Variants in PEX5L observed in about 807,000 individuals in gnomAD.
PEX5L encodes PEX5-related protein.
In PEX5L, 30 loss-of-function variants were observed where a neutral mutation model predicts 84.0. That is an observed-to-expected ratio of 0.36 (90% CI 0.27 to 0.48). PEX5L has a LOEUF of 0.48. PEX5L is among the 20% of genes least tolerant of loss of function. The probability of loss-of-function intolerance (pLI) is 0.99; values close to 1 mark genes in which losing one functional copy is unlikely to be tolerated. For synonymous variants in PEX5L, 270 were observed against 283.1 expected, an observed-to-expected ratio of 0.95 and a Z score of 0.46; for missense variants, 533 against 754.6, an observed-to-expected ratio of 0.71 and a Z score of 3.44.
At chr3:180,023,491 G>A (rs182565245) in intron 1 of PEX5L, among the ~76,000 whole-genome samples, 245 of 152,212 alleles carry the variant, frequency 1.6e-3, no homozygotes, top group Admixed American at 5.9e-3. Flanking sequence ...CAAGCTTCTC[G>A]ATGTTAGCAA....
At chr3:179,863,328 A>G (rs1325590740) in intron 7 of PEX5L, among the ~76,000 whole-genome samples, 1 of 151,274 alleles carries the variant, frequency 6.6e-6, no homozygotes, top group Non-Finnish European at 1.5e-5. Context: ...CAAAAGCAAA[A>G]TAGGCAAGTG....
chr3:180,025,820 A>G (rs1050480360), intron 1 of PEX5L, among the ~76,000 whole-genome samples: 8 of 152,242 alleles, frequency 5.3e-5, no homozygotes, highest in Admixed American at 1.3e-4. Context: ...GCTCTATAAA[A>G]ACATAAGAGC....
At chr3:179,864,823 C>A (rs9682757) in intron 7 of PEX5L, among the ~76,000 whole-genome samples, 1 of 151,912 alleles carries the variant, frequency 6.6e-6, no homozygotes, top group African/African-American at 2.4e-5. Flanking sequence ...CAGTAAAAAA[C>A]GAATTAATAA....
At chr3:179,890,115 T>C (rs550768440) in intron 3 of PEX5L, among the ~76,000 whole-genome samples, 32 of 152,294 alleles carry the variant, frequency 2.1e-4, no homozygotes, top group Non-Finnish European at 4.1e-4. Flanking sequence ...TGGTAGGACT[T>C]GCTCTTTTAA....
At chr3:179,935,067 A>C (rs1182692041) in intron 2 of PEX5L, among the ~76,000 whole-genome samples, 1 of 152,110 alleles carries the variant, frequency 6.6e-6, no homozygotes, top group African/African-American at 2.4e-5. Flanking sequence ...AATTAAAAAA[A>C]AAAAAAGAGT....
rs150344371 is a variant in PEX5L at position 179,959,315 on chromosome 3, C to T, written c.93+12279G>A. On this transcript the variant is annotated intron_variant, in intron 2 of 14. Coordinates refer to ENST00000467460, the MANE Select transcript of PEX5L (RefSeq NM_016559.3). ...ATGATTAGGGAAGGAGGAAATAACG[C>T]ACATCTTAGTTCTTAGAGTTCTGAG... is the stretch of plus-strand genomic sequence containing the variant. Among the ~76,000 whole-genome samples the T allele has an allele frequency of 1.6e-4, 24 of 152,304 alleles. No homozygotes were observed. In the East Asian group the frequency reaches 4.2e-3, roughly 27 times the overall value.
intron 9 of PEX5L, among the ~76,000 whole-genome samples, chr3:179,818,130 G>A (rs935686489): frequency 5.3e-5 from 8 of 152,134 alleles, no homozygotes; most frequent in Non-Finnish European, 7.4e-5. Context: ...CTTAGTGTAA[G>A]AGTAGATACT....
chr3:179,972,885 A>C (rs1785116290), intron 1 of PEX5L, among the ~76,000 whole-genome samples: 1 of 152,146 alleles, frequency 6.6e-6, no homozygotes, highest in Non-Finnish European at 1.5e-5. Context: ...TAAAACACAA[A>C]TTCTCATTTA....
intron 8 of PEX5L, among the ~76,000 whole-genome samples, chr3:179,837,666 C>G (rs1394142089): frequency 6.6e-6 from 1 of 152,204 alleles, no homozygotes; most frequent in Non-Finnish European, 1.5e-5. Context: ...CTTGTTCGCA[C>G]TATCTGTTCT....
rs775202219 is a variant in PEX5L at position 179,859,151 on chromosome 3, G to C, written c.733C>G (p.Leu245Val). The change falls in exon 8 of 15, where the codon CTG (leucine) becomes GTG (valine). Residue 245 changes from leucine (L) to valine (V), a missense_variant. Leu to Val is a conservative substitution (Grantham distance 32). This residue lies in a region of PEX5L where 259 missense variants were observed against 301.7 expected (regional missense o/e 0.86). Transcript: ENST00000467460. ...LELVAPTQAR[L>V]TKEHRWGSAL... is the part of the protein sequence containing the mutation. Reference sequence around the variant, plus strand: ...CTTCCCCAGCGATGTTCTTTGGTCAGTCGAGCCTGAAATCAATCATACACA... The same window carrying C: ...CTTCCCCAGCGATGTTCTTTGGTCACTCGAGCCTGAAATCAATCATACACA... 3 of 1,611,560 alleles carry C rather than the reference G, an allele frequency of 1.9e-6. No homozygotes were observed. The highest frequency in any genetic ancestry group is 2.7e-5 in the African/African-American group (2 of 74,892).
chr3:179,832,473 T>TACCCACCA (rs988338525), intron 8 of PEX5L, among the ~76,000 whole-genome samples: 1 of 147,198 alleles, frequency 6.8e-6, no homozygotes, highest in African/African-American at 2.5e-5. Flanking sequence ...CCTACCCACC[T>TACCCACCA]ACCCACCAAA....
chr3:179,850,617 A>G (rs1741454012), intron 8 of PEX5L, among the ~76,000 whole-genome samples: 2 of 152,218 alleles, frequency 1.3e-5, no homozygotes, highest in South Asian at 4.1e-4. Flanking sequence ...ACAACATATG[A>G]TTTATCTACA....
chr3:179,908,164 T>C (rs1167750866), intron 2 of PEX5L, among the ~76,000 whole-genome samples: 1 of 152,230 alleles, frequency 6.6e-6, no homozygotes, highest in Non-Finnish European at 1.5e-5. Flanking sequence ...GTGGGTTGGC[T>C]CCTCATAATG....
chr3:179,819,977 C>T lies in PEX5L; in HGVS notation c.823-1G>A. The T allele has an allele frequency of 6.2e-7, 1 of 1,612,598 alleles. No individual in the cohort carries two copies. Among genetic ancestry groups the T allele is most frequent in the Non-Finnish European group, 8.5e-7 (1 of 1,178,734 alleles). On this transcript the variant is annotated splice_acceptor_variant, in intron 8 of 14. Transcript: ENST00000467460. LOFTEE classifies it high-confidence loss of function. ...TCTTATCCCAAAACTCTGTATCTGA[C>T]TGGGAGACAGGAAAAATGAATGGAG...
In PEX5L at chr3:179,809,495, C is replaced by A. The variant is rs201842132; in HGVS notation, c.1328G>T (p.Arg443Leu). The change falls in exon 12 of 15, where the codon CGG (arginine) becomes CTG (leucine). Residue 443 changes from arginine to leucine, a missense_variant. Arg to Leu is a moderately radical substitution (Grantham distance 102, BLOSUM62 -2). Coordinates refer to ENST00000467460, the MANE Select transcript of PEX5L (RefSeq NM_016559.3). ...CCTATCAACTGGGGACTTAGACATC[C>A]GCCGGGTGAGGCCTGGAGATCCCTT... is the stretch of plus-strand genomic sequence containing the variant. ...SKKGSPGLTR[R>L]MSKSPVDSSV... 1 of 1,613,898 alleles carries A rather than the reference C, an allele frequency of 6.2e-7. No individual in the cohort carries two copies. The highest frequency in any genetic ancestry group is 8.5e-7 in the Non-Finnish European group (1 of 1,179,872).
chr3:179,861,620 C>T (rs940833776), intron 7 of PEX5L, among the ~76,000 whole-genome samples: 5 of 152,186 alleles, frequency 3.3e-5, no homozygotes, highest in African/African-American at 1.2e-4. Context: ...AAGTAGCCTC[C>T]TTCTTTAGGC....
chr3:180,036,553 T>G (rs756175559), intron 1 of PEX5L, 26 bp downstream of exon 1: 1 of 1,611,318 alleles, frequency 6.2e-7, no homozygotes, highest in Non-Finnish European at 8.5e-7. Flanking sequence ...CCAAGAATTC[T>G]CTCCAGCCCT....
intron 8 of PEX5L, among the ~76,000 whole-genome samples, chr3:179,845,633 T>C (rs1311351646): frequency 6.6e-6 from 1 of 152,074 alleles, no homozygotes; most frequent in East Asian, 1.9e-4. Context: ...GAATTCAGAG[T>C]TTCCTTCTTC....
At chr3:179,835,319 T>C (rs1455357759) in intron 8 of PEX5L, among the ~76,000 whole-genome samples, 1 of 152,146 alleles carries the variant, frequency 6.6e-6, no homozygotes, top group Non-Finnish European at 1.5e-5. Context: ...TTTCTGTAAG[T>C]TGTGAAGAGT....
Sources: gnomAD v4.1 joint callset for allele counts (sites outside exome capture counted in the v4.1 genomes callset) on GRCh38, gnomAD v4.1.1 for gene constraint, gnomAD v4.1.1 regional missense constraint, MANE v1.5 for transcripts, NCBI Gene and HGNC (gene_info 2026-07-23, HGNC 2026-07-21) for gene names.